The following ARB2A variants were observed in gnomAD, a reference collection of about 807,000 sequenced individuals.
ARB2A encodes the protein ARB2 cotranscriptional regulator A.
chr5:93,999,113 CAT>C, the ARB2A span, among the ~76,000 whole-genome samples: 1 of 151,880 alleles, frequency 6.6e-6, no homozygotes, highest in Non-Finnish European at 1.5e-5. Flanking sequence ...AACTTTATAA[CAT>C]AGAAAACTGC....
the ARB2A span, among the ~76,000 whole-genome samples, chr5:93,787,688 T>C: frequency 1.3e-5 from 2 of 152,190 alleles, no homozygotes; most frequent in African/African-American, 4.8e-5. Flanking sequence ...CAGTAATACA[T>C]AACACTCTTA....
At chr5:93,716,693 C>CAAAAAAAAAAAAA in the ARB2A span, among the ~76,000 whole-genome samples, 1 of 36,682 alleles carries the variant, frequency 2.7e-5, no homozygotes, top group African/African-American at 7.9e-5. Flanking sequence ...ATAAGCTGTG[C>CAAAAAAAAAAAAA]AAAAAAAAAA....
At chr5:93,639,384 G>A in the ARB2A span, among the ~76,000 whole-genome samples, 1 of 150,622 alleles carries the variant, frequency 6.6e-6, no homozygotes, top group Admixed American at 6.6e-5. Context: ...TTCTCACTCT[G>A]TCTGGTACTA....
chr5:94,061,329 T>C, the ARB2A span, among the ~76,000 whole-genome samples: 1 of 152,190 alleles, frequency 6.6e-6, no homozygotes, highest in Non-Finnish European at 1.5e-5. Flanking sequence ...TAAGGAGCGT[T>C]TACCAAAAAA....
At chr5:93,741,450 C>T in the ARB2A span, 1 of 1,613,546 alleles carries the variant, frequency 6.2e-7, no homozygotes, top group South Asian at 1.1e-5. Flanking sequence ...CAGGGGCCGC[C>T]TGGGTGCTCA....
chr5:93,783,969 C>G, the ARB2A span, among the ~76,000 whole-genome samples: 92 of 152,238 alleles, frequency 6.0e-4, no homozygotes, highest in African/African-American at 2.1e-3. Context: ...TTAAGAGTGG[C>G]ACATACTGAC....
chr5:93,622,639 C>A, the ARB2A span, among the ~76,000 whole-genome samples: 4 of 152,188 alleles, frequency 2.6e-5, no homozygotes, highest in African/African-American at 9.7e-5. Flanking sequence ...CTTTCCTCTG[C>A]AGACTGGCCT....
At chr5:93,794,339 T>C in the ARB2A span, among the ~76,000 whole-genome samples, 1 of 152,098 alleles carries the variant, frequency 6.6e-6, no homozygotes, top group Non-Finnish European at 1.5e-5. Flanking sequence ...TATCATGTGT[T>C]TGATTTTTTA....
chr5:94,016,734 A>G, the ARB2A span, among the ~76,000 whole-genome samples: 1 of 152,180 alleles, frequency 6.6e-6, no homozygotes, highest in Non-Finnish European at 1.5e-5. Context: ...AAATCAAGAA[A>G]TGGTTCTAGA....
chr5:93,734,110 T>G, the ARB2A span: 1 of 152,204 alleles, frequency 6.6e-6, no homozygotes, highest in Non-Finnish European at 1.5e-5. Context: ...AAACACCTCA[T>G]GATTTCTTAG....
the ARB2A span, among the ~76,000 whole-genome samples, chr5:93,931,325 A>G: frequency 6.6e-6 from 1 of 152,098 alleles, no homozygotes; most frequent in African/African-American, 2.4e-5. Flanking sequence ...TTAGCCGAGC[A>G]TGGTGGTGCA....
At chr5:93,774,380 C>A in the ARB2A span, among the ~76,000 whole-genome samples, 1 of 152,178 alleles carries the variant, frequency 6.6e-6, no homozygotes, top group Non-Finnish European at 1.5e-5. Flanking sequence ...TGTCAAAAGC[C>A]AAGATGGGCT....
chr5:93,880,069 G>A, the ARB2A span, among the ~76,000 whole-genome samples: 2 of 151,694 alleles, frequency 1.3e-5, no homozygotes, highest in Admixed American at 6.6e-5. Flanking sequence ...TGATATAACC[G>A]CATTGGAACA....
the ARB2A span, chr5:93,881,405 T>C: frequency 2.5e-6 from 3 of 1,189,652 alleles, no homozygotes; most frequent in South Asian, 3.0e-5. Context: ...AACAAAACAA[T>C]CTACATATAA....
the ARB2A span, among the ~76,000 whole-genome samples, chr5:93,660,885 T>C: frequency 1.3e-5 from 2 of 152,072 alleles, no homozygotes; most frequent in African/African-American, 2.4e-5. Flanking sequence ...TGGAAAGAGA[T>C]TAGTCAGAGT....
the ARB2A span, among the ~76,000 whole-genome samples, chr5:93,952,211 G>GA: frequency 1.3e-5 from 2 of 152,144 alleles, no homozygotes; most frequent in Non-Finnish European, 2.9e-5. Context: ...ATTCTTCACA[G>GA]AAATAGAAAA....
the ARB2A span, among the ~76,000 whole-genome samples, chr5:94,078,703 T>C: frequency 1.3e-5 from 2 of 152,118 alleles, no homozygotes; most frequent in African/African-American, 4.8e-5. Context: ...CCAATCCAAG[T>C]ATATCTAAAA....
At chr5:93,993,894 A>AT in the ARB2A span, among the ~76,000 whole-genome samples, 81 of 151,954 alleles carry the variant, frequency 5.3e-4, no homozygotes, top group African/African-American at 1.8e-3. Flanking sequence ...AGTGTAAGGT[A>AT]TTTTTTCTTG....
the ARB2A span, among the ~76,000 whole-genome samples, chr5:93,962,945 C>A: frequency 6.6e-6 from 1 of 151,970 alleles, no homozygotes; most frequent in Middle Eastern, 3.2e-3. Context: ...ATATAACATG[C>A]TGTATACAGC....
Sources: gnomAD v4.1 joint callset for allele counts (sites outside exome capture counted in the v4.1 genomes callset) on GRCh38, gnomAD v4.1.1 for gene constraint, MANE v1.5 for transcripts, NCBI Gene and HGNC (gene_info 2026-07-23, HGNC 2026-07-21) for gene names.